The following LDB2 variants were observed in gnomAD, a reference collection of about 807,000 sequenced individuals.
LDB2 encodes LIM domain binding 2.
Under a neutral mutation model 44.3 loss-of-function variants are expected in LDB2, and 12 were observed. That is an observed-to-expected ratio of 0.27 (90% CI 0.17 to 0.44). LDB2 has a LOEUF of 0.44. Ranked by LOEUF, LDB2 falls within the 20% of genes least tolerant of loss-of-function variation. The probability of loss-of-function intolerance (pLI) is 1.00; values close to 1 mark genes in which losing one functional copy is unlikely to be tolerated. For synonymous variants in LDB2, 164 were observed against 174.8 expected, an observed-to-expected ratio of 0.94 and a Z score of 0.49; for missense variants, 344 against 473.5, an observed-to-expected ratio of 0.73 and a Z score of 2.54.
chr4:16,847,214 A>C (rs575243674), intron 1 of LDB2, among the ~76,000 whole-genome samples: 1 of 152,354 alleles, frequency 6.6e-6, no homozygotes, highest in East Asian at 1.9e-4. Context: ...CACAAAATAC[A>C]AATGAGACTA....
chr4:16,888,037 A>G (rs1170475051), intron 1 of LDB2, among the ~76,000 whole-genome samples: 1 of 152,232 alleles, frequency 6.6e-6, no homozygotes, highest in African/African-American at 2.4e-5. Flanking sequence ...TTAAGCCACA[A>G]GGTGTCACAG....
chr4:16,659,864 T>C (rs948544066), intron 2 of LDB2, among the ~76,000 whole-genome samples: 2 of 152,130 alleles, frequency 1.3e-5, no homozygotes, highest in African/African-American at 4.8e-5. Context: ...TCTCGCTTTG[T>C]GATCCTTACA....
intron 7 of LDB2, among the ~76,000 whole-genome samples, chr4:16,503,788 C>CT (rs937767600): frequency 6.6e-6 from 1 of 152,316 alleles, no homozygotes; most frequent in African/African-American, 2.4e-5. Flanking sequence ...TCTAATCACT[C>CT]TTTTAAGTAC....
At chr4:16,859,018 C>T (rs1382333525) in intron 1 of LDB2, among the ~76,000 whole-genome samples, 1 of 152,126 alleles carries the variant, frequency 6.6e-6, no homozygotes, top group Non-Finnish European at 1.5e-5. Context: ...CAAATGACAA[C>T]AAAATGACAT....
chr4:16,706,563 G>A (rs1325205835), intron 2 of LDB2, among the ~76,000 whole-genome samples: 1 of 152,186 alleles, frequency 6.6e-6, no homozygotes, highest in Non-Finnish European at 1.5e-5. Flanking sequence ...GACATAAAGA[G>A]CAAGATCATG....
chr4:16,887,715 C>G (rs1722166153), intron 1 of LDB2, among the ~76,000 whole-genome samples: 1 of 151,874 alleles, frequency 6.6e-6, no homozygotes, highest in South Asian at 2.1e-4. Flanking sequence ...AAAAGGGCTA[C>G]AAATAATTTA....
chr4:16,718,537 T>G (rs1278538547), intron 2 of LDB2, among the ~76,000 whole-genome samples: 2 of 152,158 alleles, frequency 1.3e-5, no homozygotes, highest in Admixed American at 1.3e-4. Flanking sequence ...AACCTGTATA[T>G]GTGTAGTCAT....
intron 1 of LDB2, among the ~76,000 whole-genome samples, chr4:16,881,120 G>A (rs1455631701): frequency 6.6e-6 from 1 of 152,168 alleles, no homozygotes; most frequent in African/African-American, 2.4e-5. Flanking sequence ...CTCACAGTGA[G>A]ACTCAAGACC....
At chr4:16,878,938 T>G (rs1214266721) in intron 1 of LDB2, among the ~76,000 whole-genome samples, 1 of 152,240 alleles carries the variant, frequency 6.6e-6, no homozygotes, top group Non-Finnish European at 1.5e-5. Flanking sequence ...AGAAACATGC[T>G]TGATTCCTCT....
At chr4:16,553,597 C>T (rs996635612) in intron 5 of LDB2, among the ~76,000 whole-genome samples, 2 of 152,078 alleles carry the variant, frequency 1.3e-5, no homozygotes, top group Non-Finnish European at 2.9e-5. Flanking sequence ...ATCCTTAACC[C>T]GTAGGTACTA....
intron 1 of LDB2, among the ~76,000 whole-genome samples, chr4:16,779,125 G>T (rs1324916273): frequency 6.6e-6 from 1 of 152,152 alleles, no homozygotes; most frequent in Non-Finnish European, 1.5e-5. Context: ...AGCTGTTGGG[G>T]GCACTGAGCT....
intron 5 of LDB2, among the ~76,000 whole-genome samples, chr4:16,545,811 T>C (rs771389374): frequency 8.5e-5 from 13 of 152,252 alleles, no homozygotes; most frequent in Non-Finnish European, 1.8e-4. Flanking sequence ...GCAAGAATGC[T>C]GTGACAAATG....
chr4:16,746,422 T>C (rs755409301), intron 2 of LDB2, among the ~76,000 whole-genome samples: 4 of 147,624 alleles, frequency 2.7e-5, no homozygotes, highest in Non-Finnish European at 5.9e-5. Context: ...ACGGCTAATA[T>C]TGGACAGTCT....
chr4:16,540,203 A>C lies in LDB2; in HGVS notation c.616-28099T>G, dbSNP rs116418125. 9.1e-3 allele frequency among the ~76,000 whole-genome samples: 1,380 copies of C among 152,240 alleles called. 17 individuals are homozygous for C. Among genetic ancestry groups the C allele is most frequent in the African/African-American group, 0.032 (1,316 of 41,536 alleles). ...TCCACCAGGCCCCTCCTCCAAATCAACATGAGATTTGGGTGGGGACACAAA... is the reference window on the plus strand; with the variant it reads ...TCCACCAGGCCCCTCCTCCAAATCACCATGAGATTTGGGTGGGGACACAAA... On this transcript the variant is annotated intron_variant, in intron 5 of 7. Coordinates refer to ENST00000304523, the MANE Select transcript of LDB2 (RefSeq NM_001290.5).
chr4:16,795,438 T>A (rs547387669), intron 1 of LDB2, among the ~76,000 whole-genome samples: 4 of 152,258 alleles, frequency 2.6e-5, no homozygotes, highest in Middle Eastern at 3.4e-3. Flanking sequence ...TGTCCTGAGG[T>A]GTCTTGCTGG....
At chr4:16,651,478 A>G (rs1738243216) in intron 2 of LDB2, among the ~76,000 whole-genome samples, 1 of 152,164 alleles carries the variant, frequency 6.6e-6, no homozygotes, top group Non-Finnish European at 1.5e-5. Flanking sequence ...CTTGCAAGTA[A>G]ATATCTGGAG....
intron 2 of LDB2, among the ~76,000 whole-genome samples, chr4:16,719,299 A>AT (rs548909909): frequency 1.5e-3 from 224 of 152,002 alleles, no homozygotes; most frequent in Middle Eastern, 0.01. Flanking sequence ...CTATAGAGAG[A>AT]TTTTTTTTGT....
intron 2 of LDB2, among the ~76,000 whole-genome samples, chr4:16,666,293 A>T (rs1743186628): frequency 6.6e-6 from 1 of 152,190 alleles, no homozygotes; most frequent in South Asian, 2.1e-4. Flanking sequence ...AATAATCAAG[A>T]GTTGAAGCCT....
At chr4:16,857,705 T>C (rs1487095612) in intron 1 of LDB2, among the ~76,000 whole-genome samples, 7 of 152,306 alleles carry the variant, frequency 4.6e-5, no homozygotes, top group South Asian at 2.1e-4. Context: ...CCTCGAAATG[T>C]TGGCAAGCCT....
Sources: gnomAD v4.1 joint callset for allele counts (sites outside exome capture counted in the v4.1 genomes callset) on GRCh38, gnomAD v4.1.1 for gene constraint, MANE v1.5 for transcripts, NCBI Gene and HGNC (gene_info 2026-07-23, HGNC 2026-07-21) for gene names.